MTMR9: variants seen among roughly 807,000 people sequenced by gnomAD.
MTMR9 encodes myotubularin-related protein 9.
A neutral mutation model predicts 69.5 loss-of-function variants in MTMR9; 39 were observed. That is an observed-to-expected ratio of 0.56 (90% CI 0.43 to 0.73). MTMR9 has a LOEUF of 0.73. MTMR9 is among the 30% of genes least tolerant of loss of function. The pLI is 0.00. For missense variants in MTMR9, 900 were observed against 671.2 expected (o/e 1.34, Z -3.77); for synonymous variants, 354 against 240.8 (o/e 1.47, Z -4.35).
chr8:11,308,056 T>A (rs921836103), intron 5 of MTMR9, among the ~76,000 whole-genome samples: 1 of 152,236 alleles, frequency 6.6e-6, no homozygotes, highest in African/African-American at 2.4e-5. Flanking sequence ...TCAGTCTCAT[T>A]TGTCTATTTT....
chr8:11,329,621 T>C (rs906390174), downstream of MTMR9, among the ~76,000 whole-genome samples: 6 of 152,348 alleles, frequency 3.9e-5, no homozygotes, highest in South Asian at 4.1e-4. Flanking sequence ...CAGTGCTCAA[T>C]GTTGCCCAGG....
downstream of MTMR9, chr8:11,331,264 T>C (rs1416096424): frequency 6.2e-7 from 1 of 1,613,962 alleles, no homozygotes; most frequent in Admixed American, 1.7e-5. Context: ...CCTGCTGGCT[T>C]CGTGGGCCCC....
chr8:11,309,558 C>G lies in MTMR9; in HGVS notation c.841C>G (p.Leu281Val), dbSNP rs745857710. The change falls in exon 6 of 10, where the codon CTT becomes GTT. Residue 281 changes from leucine to valine, a missense_variant. By Grantham distance (32) the Leu-to-Val change is conservative (BLOSUM62 1). Coordinates refer to ENST00000221086, the MANE Select transcript of MTMR9 (RefSeq NM_015458.4). ...CATTCTTCAGGAGAGCTTAATCAAACTTGTGGAAGCTTGTAATGACCAAAC... is the reference window on the plus strand; with the variant it reads ...CATTCTTCAGGAGAGCTTAATCAAAGTTGTGGAAGCTTGTAATGACCAAAC... ...YHILQESLIK[L>V]VEACNDQTHN... is the part of the protein sequence containing the mutation. 1 of 1,613,656 alleles carries G rather than the reference C, an allele frequency of 6.2e-7. No homozygotes were observed. The highest frequency in any genetic ancestry group is 8.5e-7 in the Non-Finnish European group (1 of 1,179,726).
the MTMR9 span, among the ~76,000 whole-genome samples, chr8:11,336,038 G>C: frequency 1.9e-3 from 285 of 152,274 alleles, 1 homozygote; most frequent in Non-Finnish European, 3.5e-3. Context: ...GGAATGCATA[G>C]CTGCATACAG....
In MTMR9 at chr8:11,325,244, C is replaced by T. The variant is rs957943043; in HGVS notation, c.*2456C>T. 5.3e-5 allele frequency: 8 copies of T among 152,112 alleles called. No individual in the cohort carries two copies. The highest frequency in any genetic ancestry group is 1.0e-4 in the Non-Finnish European group (7 of 68,028). The allele number at this position is 152,112 out of a possible 1,614,324, so 9.4% of individuals were successfully genotyped here. On this transcript the variant is annotated 3_prime_UTR_variant, in exon 10 of 10. Transcript: ENST00000221086. ...ATTAGAGTTTTCCCAAATCCAAAAA[C>T]GGTCAGAAATAAGTCCATTATCAAT...
chr8:11,319,348 T>G, intron 8 of MTMR9: 1 of 172,532 alleles, frequency 5.8e-6, no homozygotes, highest in Non-Finnish European at 1.2e-5. Flanking sequence ...CTATTTTTAA[T>G]TAAAATAGAA....
At chr8:11,300,504 A>T (rs1236314023) in intron 3 of MTMR9, 1 of 154,516 alleles carries the variant, frequency 6.5e-6, no homozygotes, top group African/African-American at 2.4e-5. Flanking sequence ...GGCAGTGTTT[A>T]GAGATAAACT....
chr8:11,336,182 T>G, the MTMR9 span, among the ~76,000 whole-genome samples: 1 of 152,186 alleles, frequency 6.6e-6, no homozygotes, highest in Non-Finnish European at 1.5e-5. Context: ...AGCATTAGAT[T>G]CTGGTGTTGA....
intron 4 of MTMR9, 84 bp from the exon 5 acceptor site, chr8:11,306,106 A>T: frequency 8.7e-7 from 1 of 1,145,016 alleles, no homozygotes; most frequent in Non-Finnish European, 1.3e-6. Flanking sequence ...TTTTTGAGAT[A>T]CTCTTAATCT....
At chr8:11,312,117 G>A (rs974054635) in intron 6 of MTMR9, among the ~76,000 whole-genome samples, 30 of 151,284 alleles carry the variant, frequency 2.0e-4, no homozygotes, top group African/African-American at 6.3e-4. Flanking sequence ...GGATCACGGC[G>A]CACCGCAGCC....
chr8:11,306,483 T>A, intron 5 of MTMR9, 76 bp downstream of exon 5: 1 of 1,272,376 alleles, frequency 7.9e-7, no homozygotes, highest in Admixed American at 2.1e-5. Flanking sequence ...CATTTGAAAA[T>A]CACAAGTGCT....
intron 2 of MTMR9, among the ~76,000 whole-genome samples, chr8:11,297,383 A>G (rs978375079): frequency 6.6e-6 from 1 of 152,240 alleles, no homozygotes. Context: ...GTAATGCATG[A>G]TGTTGATTTG....
At chr8:11,313,228 T>A (rs1465971475) in intron 6 of MTMR9, among the ~76,000 whole-genome samples, 2 of 152,258 alleles carry the variant, frequency 1.3e-5, no homozygotes, top group East Asian at 3.8e-4. Flanking sequence ...TACAGCTTCC[T>A]TACTTCTCTC....
chr8:11,316,613 G>C lies in MTMR9; in HGVS notation c.1114-60G>C. On this transcript the variant is annotated intron_variant, in intron 7 of 9. Transcript: ENST00000221086. ...GTAATTGTGTATAGTGGTGTCGGTA[G>C]AATGCTCTGTCATGTGATCTCACCA... is the stretch of plus-strand genomic sequence containing the variant. 1.8e-6 allele frequency: 2 copies of C among 1,133,858 alleles called. 1 individual carries two copies. The highest frequency in any genetic ancestry group is 3.3e-5 in the South Asian group (2 of 60,834). The allele number at this position is 1,133,858 out of a possible 1,614,324, so 70.2% of individuals were successfully genotyped here. A position where few individuals can be genotyped will look rare whatever the true frequency, so the allele number is the denominator to read the frequency against.
At chr8:11,296,230 A>G (rs887014134) in intron 2 of MTMR9, among the ~76,000 whole-genome samples, 1 of 152,084 alleles carries the variant, frequency 6.6e-6, no homozygotes, top group Non-Finnish European at 1.5e-5. Flanking sequence ...TTTGTTTTCT[A>G]CGTTTTATAA....
At chr8:11,291,285 G>C (rs1446373956) in intron 1 of MTMR9, among the ~76,000 whole-genome samples, 4 of 152,056 alleles carry the variant, frequency 2.6e-5, no homozygotes, top group Non-Finnish European at 4.4e-5. Context: ...TTAAGATGGT[G>C]TATATGCTAG....
chr8:11,289,623 C>G (rs1017795164), intron 1 of MTMR9, among the ~76,000 whole-genome samples: 5 of 152,088 alleles, frequency 3.3e-5, no homozygotes, highest in Non-Finnish European at 5.9e-5. Context: ...CGTTTCCTGC[C>G]TCATCCACAA....
At chr8:11,316,546 C>G in intron 7 of MTMR9, 127 bp from the exon 8 acceptor site, 1 of 574,902 alleles carries the variant, frequency 1.7e-6, no homozygotes, top group Non-Finnish European at 3.0e-6. Context: ...TGTACAACAG[C>G]TACCCTAATT....
downstream of MTMR9, among the ~76,000 whole-genome samples, chr8:11,330,005 T>C (rs367767365): frequency 2.8e-5 from 4 of 142,260 alleles, no homozygotes; most frequent in Non-Finnish European, 3.0e-5. Flanking sequence ...GCCTGGCAGC[T>C]GCCCCGTCTG....
Sources: gnomAD v4.1 joint callset for allele counts (sites outside exome capture counted in the v4.1 genomes callset) on GRCh38, gnomAD v4.1.1 for gene constraint, MANE v1.5 for transcripts, NCBI Gene and HGNC (gene_info 2026-07-23, HGNC 2026-07-21) for gene names.